The following ELK3 variants were observed in gnomAD, a reference collection of about 807,000 sequenced individuals.
ELK3 encodes ETS domain-containing protein Elk-3.
ELK3 carries 10 observed loss-of-function variants against 28.9 expected under a neutral mutation model. The observed-to-expected ratio is 0.35, with a 90% CI of 0.21 to 0.59. The LOEUF is 0.59. Ranked by LOEUF, ELK3 falls within the 20% of genes least tolerant of loss-of-function variation. The probability of loss-of-function intolerance (pLI) is 0.82; values close to 1 mark genes in which losing one functional copy is unlikely to be tolerated. For synonymous variants in ELK3, 272 were observed against 243.5 expected (o/e 1.12, Z -1.09); for missense variants, 463 against 517.3 (o/e 0.90, Z 1.02).
At chr12:96,265,208 G>T (rs747800063) in intron 4 of ELK3, among the ~76,000 whole-genome samples, 2 of 152,138 alleles carry the variant, frequency 1.3e-5, no homozygotes, top group Non-Finnish European at 2.9e-5. Context: ...GCCTAATAAA[G>T]ATGACTAAAA....
At chr12:96,259,969 C>A in intron 4 of ELK3, 116 bp downstream of exon 4, 2 of 1,363,870 alleles carry the variant, frequency 1.5e-6, no homozygotes, top group South Asian at 3.4e-5. Flanking sequence ...TATTAAATGT[C>A]CAGAGGGGGT....
intron 1 of ELK3, among the ~76,000 whole-genome samples, chr12:96,205,774 C>A (rs1051246457): frequency 6.6e-5 from 10 of 152,158 alleles, no homozygotes; most frequent in African/African-American, 2.4e-4. Context: ...GCATGCATAG[C>A]CCAGTGCAAA....
intron 3 of ELK3, among the ~76,000 whole-genome samples, chr12:96,257,433 A>G (rs1251337590): frequency 1.3e-5 from 2 of 152,256 alleles, no homozygotes; most frequent in African/African-American, 4.8e-5. Context: ...TTCCTAAGAA[A>G]CAAATGTGCA....
At chr12:96,194,862 C>T (rs1366823664) in intron 1 of ELK3, among the ~76,000 whole-genome samples, 157 bp downstream of exon 1, 2 of 52,802 alleles carry the variant, frequency 3.8e-5, no homozygotes, top group South Asian at 1.3e-3. Context: ...TGCGTCCGCG[C>T]GGGAGGGCCG....
intron 1 of ELK3, among the ~76,000 whole-genome samples, chr12:96,196,622 A>G (rs558558492): frequency 6.6e-6 from 1 of 152,282 alleles, no homozygotes; most frequent in South Asian, 2.1e-4. Context: ...TCAGGCAGTT[A>G]AGGAGACTGT....
In ELK3 at chr12:96,269,659, C is replaced by G. The variant is rs1199157812; in HGVS notation, c.*2479C>G. 1.3e-5 allele frequency: 2 copies of G among 152,268 alleles called. No individual in the cohort carries two copies. Among genetic ancestry groups the G allele is most frequent in the Non-Finnish European group, 2.9e-5 (2 of 68,002 alleles). The allele number at this position is 152,268 out of a possible 1,614,324, so 9.4% of individuals were successfully genotyped here. On this transcript the variant is annotated 3_prime_UTR_variant, in exon 5 of 5. Transcript: ENST00000228741. ...AATGACTTTCTTTTCCCTTTTATGT[C>G]TGCTTAATCAGTGTTAAACTGCTAT... is the stretch of plus-strand genomic sequence containing the variant.
chr12:96,266,271 C>T (rs1471384009), intron 4 of ELK3, among the ~76,000 whole-genome samples: 1 of 152,144 alleles, frequency 6.6e-6, no homozygotes, highest in Non-Finnish European at 1.5e-5. Flanking sequence ...TTTAACTTTC[C>T]TGGACTAAAT....
intron 4 of ELK3, among the ~76,000 whole-genome samples, chr12:96,262,269 T>G (rs957519568): frequency 2.6e-5 from 4 of 152,180 alleles, no homozygotes; most frequent in Admixed American, 2.0e-4. Flanking sequence ...CCTGCCTGCC[T>G]TGGTCTCCCA....
At chr12:96,218,648 ATTT>A (rs144305445) in intron 1 of ELK3, among the ~76,000 whole-genome samples, 7 of 131,080 alleles carry the variant, frequency 5.3e-5, no homozygotes, top group Admixed American at 7.7e-5. Context: ...AAAGATAAGC[ATTT>A]TTTTTTTTTT....
chr12:96,238,301 T>C (rs1951797847), intron 2 of ELK3, among the ~76,000 whole-genome samples: 1 of 152,162 alleles, frequency 6.6e-6, no homozygotes, highest in Admixed American at 6.5e-5. Flanking sequence ...GCCTATGGGG[T>C]ATTTTTATTC....
Position 96,247,696 on chromosome 12 carries a change from C to A in ELK3, c.964C>A (p.Pro322Thr). The change falls in exon 3 of 5, where the codon CCC becomes ACC. Residue 322 changes from proline (P) to threonine (T), a missense_variant. Physicochemically the swap from Pro to Thr is conservative, Grantham distance 38. Around this residue, in one of 2 missense-constraint regions of ELK3, gnomAD observed 408 missense variants for 414.8 expected, o/e 0.98. Transcript: ENST00000228741. This position sits in a 1 kb window ranked among gnomAD's most constrained non-coding sequence, Gnocchi z 5.5. Reference protein sequence around the residue: ...GSIALNSPALPSGSLTPAFFT... With the variant: ...GSIALNSPALTSGSLTPAFFT... ...CATCGCCCTCAACAGCCCAGCCCTCCCCTCGGGATCCCTCACCCCAGCCTT... is the reference window on the plus strand; with the variant it reads ...CATCGCCCTCAACAGCCCAGCCCTCACCTCGGGATCCCTCACCCCAGCCTT... 6.2e-7 allele frequency: 1 copy of A among 1,602,114 alleles called. No individual in the cohort carries two copies. The highest frequency in any genetic ancestry group is 8.5e-7 in the Non-Finnish European group (1 of 1,174,768).
At chr12:96,210,565 G>GCACACACACACA (rs56257302) in intron 1 of ELK3, among the ~76,000 whole-genome samples, 2 of 146,314 alleles carry the variant, frequency 1.4e-5, no homozygotes, top group South Asian at 2.2e-4. Flanking sequence ...GCGGGCGCAC[G>GCACACACACACA]CACACACACA....
At chr12:96,265,805 G>C (rs1241591382) in intron 4 of ELK3, among the ~76,000 whole-genome samples, 1 of 152,232 alleles carries the variant, frequency 6.6e-6, no homozygotes, top group African/African-American at 2.4e-5. Flanking sequence ...TATGTGCATA[G>C]ATTTGATAAT....
intron 1 of ELK3, among the ~76,000 whole-genome samples, chr12:96,205,675 A>G (rs1951534463): frequency 6.6e-6 from 1 of 152,148 alleles, no homozygotes; most frequent in South Asian, 2.1e-4. Context: ...GCAGTTTAGA[A>G]CAAATGCCTT....
At chr12:96,259,317 T>C (rs1343545253) in intron 3 of ELK3, among the ~76,000 whole-genome samples, 1 of 152,118 alleles carries the variant, frequency 6.6e-6, no homozygotes, top group African/African-American at 2.4e-5. Flanking sequence ...TTTGGGAGGC[T>C]GAGGTGGGCA....
Position 96,247,131 on chromosome 12 carries a change from C to T in ELK3, c.399C>T (p.Ser133=). 1.2e-6 allele frequency: 2 copies of T among 1,613,940 alleles called. No individual in the cohort carries two copies. The highest frequency in any genetic ancestry group is 1.7e-6 in the Non-Finnish European group (2 of 1,179,932). The part of the protein sequence containing the change: ...KHGLAALRST[S]RNEYIHSGLY... The stretch of plus-strand genomic sequence containing the variant: ...GCCTGGCCGCCCTCAGAAGCACGAG[C>T]CGCAACGAATACATCCACTCAGGCC... Residue 133 remains serine, a synonymous_variant, in exon 3 of 5, where the codon AGC becomes AGT. Coordinates refer to ENST00000228741, the MANE Select transcript of ELK3 (RefSeq NM_005230.4). The surrounding 1 kb of genome is among the most constrained non-coding windows in gnomAD (Gnocchi z 5.5).
rs1345617216 is a variant in ELK3 at position 96,223,555 on chromosome 12, C to T, written c.-2-10C>T. On this transcript the variant is annotated splice_polypyrimidine_tract_variant and intron_variant, in intron 1 of 4. Coordinates refer to ENST00000228741, the MANE Select transcript of ELK3 (RefSeq NM_005230.4). ...ACCAGCAGCTCTGACCTGGCCTCCT[C>T]TCCCTGCAGGTATGGAGAGTGCAAT... 8 of 1,613,756 alleles carry T rather than the reference C, an allele frequency of 5.0e-6. No homozygotes were observed. In the African/African-American group the frequency reaches 6.7e-5, roughly 13 times the overall value.
chr12:96,264,541 G>T (rs1263413856), intron 4 of ELK3, among the ~76,000 whole-genome samples: 2 of 152,126 alleles, frequency 1.3e-5, no homozygotes, highest in Non-Finnish European at 1.5e-5. Flanking sequence ...CCAGCACTTT[G>T]GGAGGGTGAC....
intron 2 of ELK3, among the ~76,000 whole-genome samples, chr12:96,235,001 A>G (rs1951770896): frequency 6.6e-6 from 1 of 152,150 alleles, no homozygotes; most frequent in Non-Finnish European, 1.5e-5. Flanking sequence ...AACTGCTGGC[A>G]AGATTATCTG....
Sources: gnomAD v4.1 joint callset for allele counts (sites outside exome capture counted in the v4.1 genomes callset) on GRCh38, gnomAD v4.1.1 for gene constraint, gnomAD v4.1.1 regional missense constraint, Gnocchi (gnomAD v3.1) non-coding constraint, MANE v1.5 for transcripts, NCBI Gene and HGNC (gene_info 2026-07-23, HGNC 2026-07-21) for gene names.